SPMAP2L: variants seen among roughly 807,000 people sequenced by gnomAD.
SPMAP2L encodes the protein sperm microtubule associated protein 2 like.
At chr4:56,569,320 T>C in the SPMAP2L span, among the ~76,000 whole-genome samples, 1 of 152,228 alleles carries the variant, frequency 6.6e-6, no homozygotes, top group African/African-American at 2.4e-5. Flanking sequence ...ACACTTGTTA[T>C]TATCATTTTG....
the SPMAP2L span, among the ~76,000 whole-genome samples, chr4:56,538,047 C>G: frequency 2.6e-5 from 4 of 152,138 alleles, no homozygotes; most frequent in Non-Finnish European, 5.9e-5. Flanking sequence ...CTACTCTTGT[C>G]CCCTGCAGCC....
chr4:56,563,998 G>A, the SPMAP2L span, among the ~76,000 whole-genome samples: 1 of 152,114 alleles, frequency 6.6e-6, no homozygotes, highest in African/African-American at 2.4e-5. Flanking sequence ...GTTTTTTGGT[G>A]AGAAGGTTTT....
the SPMAP2L span, among the ~76,000 whole-genome samples, chr4:56,537,804 T>C: frequency 4.4e-4 from 67 of 152,194 alleles, no homozygotes; most frequent in African/African-American, 1.6e-3. Flanking sequence ...GCCATTCTCC[T>C]GCTTCAGCCT....
At chr4:56,619,681 C>T in the SPMAP2L span, among the ~76,000 whole-genome samples, 2 of 151,922 alleles carry the variant, frequency 1.3e-5, no homozygotes, top group Non-Finnish European at 2.9e-5. Context: ...CACAATATAA[C>T]GTCAAAAGCA....
the SPMAP2L span, among the ~76,000 whole-genome samples, chr4:56,534,065 C>T: frequency 0.081 from 12,377 of 152,244 alleles, 690 homozygotes; most frequent in Non-Finnish European, 0.13. Context: ...ACCCCATGTG[C>T]CCGTCCAGGT....
chr4:56,588,208 C>T, the SPMAP2L span, among the ~76,000 whole-genome samples: 1 of 151,948 alleles, frequency 6.6e-6, no homozygotes, highest in Non-Finnish European at 1.5e-5. Context: ...GTAGATTCTG[C>T]ATATTAGTCC....
At chr4:56,593,878 T>C in the SPMAP2L span, 11 of 1,610,982 alleles carry the variant, frequency 6.8e-6, no homozygotes, top group Admixed American at 5.0e-5. Context: ...TGGAGCATAT[T>C]GCTAGGAGAG....
At chr4:56,550,844 G>A in the SPMAP2L span, among the ~76,000 whole-genome samples, 88 of 152,050 alleles carry the variant, frequency 5.8e-4, no homozygotes, top group African/African-American at 2.0e-3. Flanking sequence ...TATGGTGTCC[G>A]TAGTCCCAGC....
chr4:56,596,377 C>A, the SPMAP2L span: 1 of 996,662 alleles, frequency 1.0e-6, no homozygotes, highest in African/African-American at 1.7e-5. Context: ...CTGCAAGATT[C>A]CCACCCTTTC....
chr4:56,612,998 C>T, the SPMAP2L span, among the ~76,000 whole-genome samples: 4 of 152,220 alleles, frequency 2.6e-5, no homozygotes, highest in Admixed American at 2.0e-4. Context: ...AGCGGAGTCC[C>T]TGCTCCATCT....
the SPMAP2L span, among the ~76,000 whole-genome samples, chr4:56,535,648 C>T: frequency 3.9e-5 from 6 of 152,150 alleles, no homozygotes; most frequent in African/African-American, 1.2e-4. Flanking sequence ...TTCTTTAACT[C>T]GGTGTCTGAG....
the SPMAP2L span, among the ~76,000 whole-genome samples, chr4:56,550,503 G>A: frequency 6.6e-6 from 1 of 152,032 alleles, no homozygotes; most frequent in African/African-American, 2.4e-5. Context: ...GGTGGCTGAG[G>A]AGTAGAGCGG....
the SPMAP2L span, chr4:56,575,746 C>T: frequency 9.2e-7 from 1 of 1,083,834 alleles, no homozygotes; most frequent in Middle Eastern, 3.0e-4. Flanking sequence ...GCTAAGAGTC[C>T]ACTTGTGTTC....
the SPMAP2L span, among the ~76,000 whole-genome samples, chr4:56,548,268 A>G: frequency 2.0e-5 from 3 of 152,030 alleles, no homozygotes; most frequent in Non-Finnish European, 4.4e-5. Flanking sequence ...GTGCTGATGA[A>G]CTTTTACTTA....
chr4:56,557,350 T>C, the SPMAP2L span, among the ~76,000 whole-genome samples: 1 of 151,198 alleles, frequency 6.6e-6, no homozygotes. Flanking sequence ...AGAGAGAGTC[T>C]CAAAGGCCAG....
chr4:56,600,360 C>A, the SPMAP2L span, among the ~76,000 whole-genome samples: 2 of 152,014 alleles, frequency 1.3e-5, no homozygotes, highest in Non-Finnish European at 2.9e-5. Flanking sequence ...GTAGTGTGAT[C>A]TTGGCTCACT....
chr4:56,624,057 C>A, the SPMAP2L span, among the ~76,000 whole-genome samples: 4 of 152,064 alleles, frequency 2.6e-5, no homozygotes, highest in African/African-American at 9.7e-5. Flanking sequence ...GACAAAAAAT[C>A]GATAATGATA....
chr4:56,563,930 T>A, the SPMAP2L span, among the ~76,000 whole-genome samples: 3 of 152,210 alleles, frequency 2.0e-5, no homozygotes, highest in Non-Finnish European at 4.4e-5. Context: ...ACAGACTTGG[T>A]ATTTATTGGT....
chr4:56,534,050 C>T, the SPMAP2L span, among the ~76,000 whole-genome samples: 2 of 152,178 alleles, frequency 1.3e-5, no homozygotes, highest in African/African-American at 4.8e-5. Context: ...CCAAACCTTC[C>T]TTGAACCCCA....
Sources: gnomAD v4.1 joint callset for allele counts (sites outside exome capture counted in the v4.1 genomes callset) on GRCh38, gnomAD v4.1.1 for gene constraint, MANE v1.5 for transcripts, NCBI Gene and HGNC (gene_info 2026-07-23, HGNC 2026-07-21) for gene names.